Variants in TMED3 observed in about 807,000 individuals in gnomAD.
TMED3 encodes the protein transmembrane p24 trafficking protein 3.
A neutral mutation model predicts 15.0 loss-of-function variants in TMED3; 9 were observed. That is an observed-to-expected ratio of 0.60 (90% CI 0.36 to 1.04). The LOEUF (loss-of-function observed/expected upper bound fraction) is 1.04. Among genes scored for constraint, TMED3 ranks in the 50% least tolerant of loss-of-function variants. TMED3 has a pLI of 0.01. For missense variants in TMED3, 267 were observed against 278.9 expected (o/e 0.96, Z 0.30); for synonymous variants, 117 against 121.4 (o/e 0.96, Z 0.24).
intron 2 of TMED3, among the ~76,000 whole-genome samples, chr15:79,335,884 C>G (rs1478545347): frequency 6.6e-6 from 1 of 152,164 alleles, no homozygotes; most frequent in African/African-American, 2.4e-5. Flanking sequence ...AACCACAGTT[C>G]TTAGTGCTTT....
At chr15:79,401,463 G>A (rs980236913) in intron 2 of TMED3, among the ~76,000 whole-genome samples, 1 of 152,132 alleles carries the variant, frequency 6.6e-6, no homozygotes, top group Non-Finnish European at 1.5e-5. Context: ...TGCCCCCAGG[G>A]GACATTTGGC....
At chr15:79,403,758 A>G (rs554727584) in intron 2 of TMED3, among the ~76,000 whole-genome samples, 3 of 152,340 alleles carry the variant, frequency 2.0e-5, no homozygotes, top group Admixed American at 2.0e-4. Flanking sequence ...ATCACAACCT[A>G]TGATCCAACG....
chr15:79,393,333 T>C (rs961189178), intron 2 of TMED3, among the ~76,000 whole-genome samples: 4 of 152,126 alleles, frequency 2.6e-5, no homozygotes, highest in Non-Finnish European at 5.9e-5. Context: ...AAAAACTGAG[T>C]AGCTACTATC....
chr15:79,325,811 G>A (rs2058785181), downstream of TMED3, among the ~76,000 whole-genome samples: 1 of 152,172 alleles, frequency 6.6e-6, no homozygotes, highest in Admixed American at 6.5e-5. Context: ...ATGTCCAAGG[G>A]CAGGAAACAT....
At chr15:79,370,910 A>C (rs1323478124) in intron 2 of TMED3, among the ~76,000 whole-genome samples, 3 of 152,174 alleles carry the variant, frequency 2.0e-5, no homozygotes, top group African/African-American at 7.2e-5. Context: ...CATTGCCTGA[A>C]TACACAAACA....
intron 2 of TMED3, among the ~76,000 whole-genome samples, chr15:79,346,460 A>G (rs1013120242): frequency 6.6e-6 from 1 of 152,184 alleles, no homozygotes; most frequent in Non-Finnish European, 1.5e-5. Flanking sequence ...GTACCCCTGC[A>G]CATGCTCTCT....
chr15:79,326,373 G>A (rs2058787566), downstream of TMED3, among the ~76,000 whole-genome samples: 1 of 152,004 alleles, frequency 6.6e-6, no homozygotes, highest in Non-Finnish European at 1.5e-5. Context: ...ACTTCAAAAG[G>A]GGCTCCTGAG....
At chr15:79,380,600 T>TAGAG (rs768333428) in intron 2 of TMED3, among the ~76,000 whole-genome samples, 73 of 146,572 alleles carry the variant, frequency 5.0e-4, no homozygotes, top group African/African-American at 1.6e-3. Context: ...TATATATATA[T>TAGAG]AGAGAGAGAG....
chr15:79,392,307 G>A (rs970855760), intron 2 of TMED3, among the ~76,000 whole-genome samples: 7 of 152,130 alleles, frequency 4.6e-5, no homozygotes, highest in East Asian at 1.9e-4. Context: ...TGGGAGTGGC[G>A]AATTCTCTCA....
chr15:79,377,377 T>C (rs1893445126), intron 2 of TMED3, among the ~76,000 whole-genome samples: 1 of 151,970 alleles, frequency 6.6e-6, no homozygotes, highest in South Asian at 2.1e-4. Flanking sequence ...TAGGTGTGTC[T>C]TATTTTTGTA....
At chr15:79,388,964 A>C (rs2141252871) in intron 2 of TMED3, among the ~76,000 whole-genome samples, 1 of 151,310 alleles carries the variant, frequency 6.6e-6, no homozygotes, top group South Asian at 2.1e-4. Flanking sequence ...GATTTGTTTG[A>C]GTTTGTTGTA....
Position 79,399,832 on chromosome 15 carries a change from CAG to C in TMED3, c.418-11567_418-11566del, listed in dbSNP as rs1208771019. ...TCTTATCTGCAGTGACAGCTGAAAT[CAG>C]GGGGCGTGGATCTAAGCCAGCTAGA... is the stretch of plus-strand genomic sequence containing the variant. On this transcript the variant is annotated intron_variant, in intron 2 of 2. Coordinates refer to the TMED3 transcript ENST00000424155. 2.6e-5 allele frequency among the ~76,000 whole-genome samples: 4 copies of C among 152,162 alleles called. No homozygotes were observed. In the East Asian group the frequency reaches 5.8e-4, roughly 22 times the overall value.
downstream of TMED3, among the ~76,000 whole-genome samples, chr15:79,327,525 T>C (rs1046915081): frequency 1.3e-5 from 2 of 152,254 alleles, no homozygotes; most frequent in Non-Finnish European, 2.9e-5. Context: ...TGTACAAATG[T>C]TCGAGCACAG....
chr15:79,353,140 A>T lies in TMED3; in HGVS notation c.417+39135A>T, dbSNP rs373034523. 5.8e-5 allele frequency among the ~76,000 whole-genome samples: 3 copies of T among 52,130 alleles called. 1 individual carries two copies. The highest frequency in any genetic ancestry group is 2.1e-4 in the African/African-American group (2 of 9,420). The allele number at this position is 52,130 out of a possible 152,430, so 34.2% of individuals were successfully genotyped here. A position where few individuals can be genotyped will look rare whatever the true frequency, so the allele number is the denominator to read the frequency against. ...ATATATAATATATATAAAATATATA[A>T]AAAATATATAAAATATATATAAATA... On this transcript the variant is annotated intron_variant, in intron 2 of 2. Transcript: ENST00000424155.
At chr15:79,311,490 T>G in intron 1 of TMED3, 73 bp downstream of exon 1, 1 of 1,482,124 alleles carries the variant, frequency 6.7e-7, no homozygotes, top group African/African-American at 1.4e-5. Flanking sequence ...GGCTAGCCCC[T>G]GACTGGAGGC....
intron 2 of TMED3, among the ~76,000 whole-genome samples, chr15:79,408,257 T>A (rs951951): frequency 0.47 from 71,926 of 152,034 alleles, 17,395 homozygotes; most frequent in East Asian, 0.68. Context: ...CAGGCCCTGC[T>A]TAGAGGGCTG....
At chr15:79,403,472 G>A (rs753961302) in intron 2 of TMED3, among the ~76,000 whole-genome samples, 2 of 152,028 alleles carry the variant, frequency 1.3e-5, no homozygotes, top group Non-Finnish European at 2.9e-5. Context: ...GGTGGTAGTT[G>A]CTACTTTTTC....
chr15:79,400,044 A>G (rs1480297633), intron 2 of TMED3, among the ~76,000 whole-genome samples: 1 of 152,212 alleles, frequency 6.6e-6, no homozygotes, highest in Non-Finnish European at 1.5e-5. Context: ...GATAAAGTCT[A>G]AACACTGCAT....
At chr15:79,348,419 A>C (rs1305667549) in intron 2 of TMED3, among the ~76,000 whole-genome samples, 1 of 152,224 alleles carries the variant, frequency 6.6e-6, no homozygotes, top group Non-Finnish European at 1.5e-5. Flanking sequence ...ATAGTAAAAA[A>C]CCGAAAGTGA....
Sources: allele counts gnomAD v4.1 joint callset (sites outside exome capture counted in the v4.1 genomes callset), GRCh38; gene constraint gnomAD v4.1.1; transcripts MANE v1.5; gene names NCBI Gene and HGNC (gene_info 2026-07-23, HGNC 2026-07-21).